UNC13D: variants seen among roughly 807,000 people sequenced by gnomAD.
The protein encoded by UNC13D is protein unc-13 homolog D.
In UNC13D, 115 loss-of-function variants were observed where a neutral mutation model predicts 151.7. The ratio of observed to expected loss-of-function variants is 0.76; its 90% confidence interval spans 0.65 to 0.88. The LOEUF (loss-of-function observed/expected upper bound fraction) is 0.88. Among genes scored for constraint, UNC13D ranks in the 40% least tolerant of loss-of-function variants. The probability of loss-of-function intolerance (pLI) is 0.00; values close to 1 mark genes in which losing one functional copy is unlikely to be tolerated. For synonymous variants in UNC13D, 588 were observed against 612.2 expected, an observed-to-expected ratio of 0.96 and a Z score of 0.58; for missense variants, 1,369 against 1,438.7, an observed-to-expected ratio of 0.95 and a Z score of 0.78.
chr17:75,830,490 G>C lies in UNC13D; in HGVS notation c.2710-8C>G, dbSNP rs545824447. 2.1e-4 allele frequency: 340 copies of C among 1,591,398 alleles called. 12 individuals are homozygous for C. The South Asian group carries it at 3.8e-3, about 18-fold the overall frequency. On this transcript the variant is annotated splice_region_variant and splice_polypyrimidine_tract_variant and intron_variant, in intron 28 of 31. Coordinates refer to ENST00000207549, the MANE Select transcript of UNC13D (RefSeq NM_199242.3). ...CTCAGAGGTGGTTTCTGCCTGGGGT[G>C]GGGAGCAGGGGCAGGGTCAGCAGGG...
rs760012708 is a variant in UNC13D, at chr17:75,831,397, G to A, written c.2448-49C>T. 97 of 1,545,322 alleles carry A rather than the reference G, an allele frequency of 6.3e-5. No homozygotes were observed. In the Admixed American group the frequency reaches 9.8e-4, roughly 16 times the overall value. The stretch of plus-strand genomic sequence containing the variant: ...GGACACAGCACGGCAGGGCGGTGGC[G>A]GAGGAGGAAGCAAAGACGCTCTTGA... On this transcript the variant is annotated intron_variant, in intron 25 of 31. Coordinates refer to ENST00000207549, the MANE Select transcript of UNC13D (RefSeq NM_199242.3).
At position 75,830,125 on chromosome 17, in the gene UNC13D, T is replaced by C. The variant is rs1302234456; in HGVS notation, c.2857A>G (p.Thr953Ala). The C allele has an allele frequency of 3.1e-6, 5 of 1,589,276 alleles. No individual in the cohort carries two copies. Among genetic ancestry groups the C allele is most frequent in the Middle Eastern group, 3.3e-4 (2 of 6,026 alleles). The change falls in exon 30 of 32, where the codon ACC becomes GCC. Residue 953 changes from threonine to alanine, a missense_variant. By Grantham distance (58) the Thr-to-Ala change is moderately conservative (BLOSUM62 0). This residue lies in a region of UNC13D where 807 missense variants were observed against 795.5 expected (regional missense o/e 1.01). Coordinates refer to ENST00000207549, the MANE Select transcript of UNC13D (RefSeq NM_199242.3). ...GGGAACTCATGCCTGGGCTCCAAGG[T>C]CAGCTGGACAAAGGGGTCGCTGGAG... ...NGSSDPFVQL[T>A]LEPRHEFPEL...
chr17:75,834,250 T>C, intron 23 of UNC13D, 75 bp downstream of exon 23: 1 of 1,583,846 alleles, frequency 6.3e-7, no homozygotes, highest in Non-Finnish European at 8.5e-7. Flanking sequence ...GGTTGGACCT[T>C]GGCCCAGGTG....
At chr17:75,839,017 G>A (rs888108857) in intron 12 of UNC13D, among the ~76,000 whole-genome samples, 1 of 150,414 alleles carries the variant, frequency 6.6e-6, no homozygotes, top group Admixed American at 6.6e-5. Flanking sequence ...GGAGAATGGC[G>A]TGAACCCAGG....
chr17:75,835,621 C>G, intron 19 of UNC13D, 26 bp downstream of exon 19: 1 of 1,612,982 alleles, frequency 6.2e-7, no homozygotes, highest in Non-Finnish European at 8.5e-7. Flanking sequence ...GCCCCTGCAG[C>G]CGCCCACAAT....
rs568253846 is a variant in UNC13D, at chr17:75,829,900, C to T, written c.2954+128G>A. The T allele has an allele frequency of 2.4e-5, 34 of 1,436,980 alleles. No homozygotes were observed. In the African/African-American group the frequency reaches 4.7e-4, roughly 20 times the overall value. The allele number at this position is 1,436,980 out of a possible 1,614,324, so 89.0% of individuals were successfully genotyped here. A position where few individuals can be genotyped will look rare whatever the true frequency, so the allele number is the denominator to read the frequency against. On this transcript the variant is annotated intron_variant, in intron 30 of 31. Transcript: ENST00000207549. Reference sequence around the variant, plus strand: ...GCTGCAAACTCTTGTCCCAGATGCCCCATCCCTTGGGCCCAAATGTGGCCA... The same window carrying T: ...GCTGCAAACTCTTGTCCCAGATGCCTCATCCCTTGGGCCCAAATGTGGCCA...
At chr17:75,837,006 C>CCGTCCTCCAGGGCCCCTGGTGGAGAA in intron 12 of UNC13D, 88 bp from the exon 13 acceptor site, 6 of 1,211,602 alleles carry the variant, frequency 5.0e-6, no homozygotes, top group Non-Finnish European at 7.2e-6. Context: ...GGAATCGCCT[C>CCGTCCTCCAGGGCCCCTGGTGGAGAA]CCATCCACCA....
At chr17:75,831,028 T>C in intron 27 of UNC13D, 70 bp downstream of exon 27, 1 of 1,575,460 alleles carries the variant, frequency 6.3e-7, no homozygotes, top group Non-Finnish European at 8.7e-7. Context: ...TAGCCGACCC[T>C]GGACATAGGT....
Position 75,835,738 on chromosome 17 carries a change from C to G in UNC13D, c.1636G>C (p.Asp546His). Residue 546 changes from aspartate to histidine, a missense_variant, in exon 19 of 32, where the codon GAT (aspartate) becomes CAT (histidine). This residue lies in a region of UNC13D where 807 missense variants were observed against 795.5 expected (regional missense o/e 1.01). Transcript: ENST00000207549. ...RVQDHTTVVG[D>H]VVSPEMGESL... ...TCGCCCATCTCTGGGGACACTACAT[C>G]ACCCACAACCGTCGTGTGGTCCTGC... 6.2e-7 allele frequency: 1 copy of G among 1,613,860 alleles called. No individual in the cohort carries two copies. The highest frequency in any genetic ancestry group is 1.3e-5 in the African/African-American group (1 of 75,066).
intron 21 of UNC13D, 76 bp downstream of exon 21, chr17:75,834,844 A>G: frequency 1.9e-6 from 3 of 1,612,584 alleles, no homozygotes; most frequent in Non-Finnish European, 1.7e-6. Context: ...TGCCTGGGTG[A>G]GAGCACGGGA....
At chr17:75,835,950 G>T in intron 17 of UNC13D, 44 bp from the exon 18 acceptor site, 1 of 1,614,140 alleles carries the variant, frequency 6.2e-7, no homozygotes, top group Non-Finnish European at 8.5e-7. Context: ...ATACACCAGG[G>T]TCCCCATGGT....
At chr17:75,837,724 A>G (rs2064918435) in intron 12 of UNC13D, among the ~76,000 whole-genome samples, 1 of 142,904 alleles carries the variant, frequency 7.0e-6, no homozygotes, top group Non-Finnish European at 1.5e-5. Context: ...ATGGCACTCC[A>G]GCCTGGGCGA....
chr17:75,842,767 G>C (rs969750355), intron 5 of UNC13D, 90 bp downstream of exon 5: 1 of 1,593,414 alleles, frequency 6.3e-7, no homozygotes, highest in Non-Finnish European at 8.6e-7. Flanking sequence ...TCTTGGAAGT[G>C]GGTGCTCCCG....
At chr17:75,836,161 C>A (rs772318624) in intron 16 of UNC13D, 39 bp downstream of exon 16, 2 of 1,611,588 alleles carry the variant, frequency 1.2e-6, no homozygotes, top group East Asian at 2.2e-5. Flanking sequence ...GGCACCACCC[C>A]CCGTGACCCC....
chr17:75,827,573 A>T lies in UNC13D; in HGVS notation c.*392T>A. ...ACTCTGTGCCTGTAGCCCTGGTCCC[A>T]GTGAACCTGGCCCCCACCCCAGTGG... is the stretch of plus-strand genomic sequence containing the variant. On this transcript the variant is annotated 3_prime_UTR_variant, in exon 32 of 32. Coordinates refer to ENST00000207549, the MANE Select transcript of UNC13D (RefSeq NM_199242.3). 6.5e-7 allele frequency: 1 copy of T among 1,535,016 alleles called. No homozygotes were observed. Among genetic ancestry groups the T allele is most frequent in the Admixed American group, 2.0e-5 (1 of 50,968 alleles).
In UNC13D at chr17:75,828,870, CGCAGCGG is replaced by C; in HGVS notation, c.3061_3067del (p.Pro1021ValfsTer6). 1 of 1,601,602 alleles carries C rather than the reference CGCAGCGG, an allele frequency of 6.2e-7. No individual in the cohort carries two copies. The highest frequency in any genetic ancestry group is 1.1e-5 in the South Asian group (1 of 89,988). On this transcript the variant is annotated frameshift_variant, in exon 31 of 32. Coordinates refer to ENST00000207549, the MANE Select transcript of UNC13D (RefSeq NM_199242.3). LOFTEE classifies it high-confidence loss of function. Reference sequence around the variant, plus strand: ...AGAGCCACTCAGCCCGGGCACCTCACGCAGCGGCAGGAAGGCCTCGCCTTCCAGGTCG... The same window carrying C: ...AGAGCCACTCAGCCCGGGCACCTCACCAGGAAGGCCTCGCCTTCCAGGTCG...
At position 75,827,730 on chromosome 17, in the gene UNC13D, T is replaced by C; in HGVS notation, c.*235A>G. 6.7e-7 allele frequency: 1 copy of C among 1,500,912 alleles called. No homozygotes were observed. Among genetic ancestry groups the C allele is most frequent in the Non-Finnish European group, 8.9e-7 (1 of 1,124,792 alleles). The allele number at this position is 1,500,912 out of a possible 1,614,324, so 93.0% of individuals were successfully genotyped here. On this transcript the variant is annotated 3_prime_UTR_variant, in exon 32 of 32. Transcript: ENST00000207549. ...TGCTCCCCCTGGTGCTGGGATGTGGTAGAGACATTGCAGCCAGGGCTGGAG... is the reference window on the plus strand; with the variant it reads ...TGCTCCCCCTGGTGCTGGGATGTGGCAGAGACATTGCAGCCAGGGCTGGAG...
chr17:75,828,224 C>T (rs117489381), intron 31 of UNC13D, 138 bp from the exon 32 acceptor site: 14,630 of 1,338,292 alleles, frequency 0.011, 119 homozygotes, highest in Non-Finnish European at 0.013. Flanking sequence ...GACAGACCCG[C>T]GCCAGCCCAG....
intron 5 of UNC13D, 29 bp downstream of exon 5, chr17:75,842,828 G>A (rs1408070429): frequency 1.2e-6 from 2 of 1,613,052 alleles, no homozygotes; most frequent in Non-Finnish European, 1.7e-6. Context: ...CCAGGAAGAA[G>A]CCCCTTGGGG....
Sources: gnomAD v4.1 joint callset for allele counts (sites outside exome capture counted in the v4.1 genomes callset) on GRCh38, gnomAD v4.1.1 for gene constraint, gnomAD v4.1.1 regional missense constraint, MANE v1.5 for transcripts, NCBI Gene and HGNC (gene_info 2026-07-23, HGNC 2026-07-21) for gene names.